Variants in SLIT3 observed in about 807,000 individuals in gnomAD.
SLIT3 encodes slit homolog 3 protein.
Under a neutral mutation model 184.0 loss-of-function variants are expected in SLIT3, and 68 were observed. The observed-to-expected ratio is 0.37, with a 90% CI of 0.30 to 0.45. The LOEUF (loss-of-function observed/expected upper bound fraction) is 0.45, where lower values mean the gene tolerates loss of function less well. Ranked by LOEUF, SLIT3 falls within the 20% of genes least tolerant of loss-of-function variation. SLIT3 has a pLI of 1.00. For missense variants in SLIT3, 1,707 were observed against 2,026.0 expected, an observed-to-expected ratio of 0.84 and a Z score of 3.02; for synonymous variants, 831 against 828.6, an observed-to-expected ratio of 1.00 and a Z score of -0.05.
At chr5:169,085,338 G>T (rs921149308) in intron 4 of SLIT3, among the ~76,000 whole-genome samples, 1 of 152,272 alleles carries the variant, frequency 6.6e-6, no homozygotes, top group African/African-American at 2.4e-5. Flanking sequence ...AGCAACCTGG[G>T]GTTTCTGCTT....
chr5:169,181,707 A>C (rs993638462), intron 4 of SLIT3, among the ~76,000 whole-genome samples: 2 of 149,748 alleles, frequency 1.3e-5, no homozygotes, highest in Non-Finnish European at 3.0e-5. Flanking sequence ...TGCCACTGCC[A>C]CTCCAGCCTG....
rs1257292035 is a variant in SLIT3, at chr5:168,664,982, G to A, written c.*1472C>T. On this transcript the variant is annotated 3_prime_UTR_variant, in exon 36 of 36. Transcript: ENST00000519560. The stretch of plus-strand genomic sequence containing the variant: ...AGAAGGAGTGAGCAAGGCAGAACAA[G>A]AGCAGGAAAAAACATCATATTATTT... 1 of 152,230 alleles carries A rather than the reference G, an allele frequency of 6.6e-6. No individual in the cohort carries two copies. The highest frequency in any genetic ancestry group is 1.5e-5 in the Non-Finnish European group (1 of 68,060). 9.4% of individuals were successfully genotyped at this position (152,230 alleles called of 1,614,324 possible).
chr5:168,670,045 G>A (rs1419535050), intron 34 of SLIT3, 54 bp from the exon 35 acceptor site: 1 of 1,518,316 alleles, frequency 6.6e-7, no homozygotes, highest in Non-Finnish European at 9.1e-7. Context: ...GGTGCTGCTG[G>A]GGACTCCCTC....
At chr5:169,151,623 T>C (rs1343848781) in intron 4 of SLIT3, among the ~76,000 whole-genome samples, 1 of 152,240 alleles carries the variant, frequency 6.6e-6, no homozygotes, top group Non-Finnish European at 1.5e-5. Flanking sequence ...GTCATCTTTC[T>C]TGGAAACTTT....
rs554855767 is a variant in SLIT3, at chr5:168,952,007, C to G, written c.414-68671G>C. Among the ~76,000 whole-genome samples the G allele has an allele frequency of 6.6e-5, 10 of 152,284 alleles. No homozygotes were observed. In the South Asian group the frequency reaches 2.1e-3, roughly 32 times the overall value. Reference sequence around the variant, plus strand: ...CTTACCGCCCTGGATCCCCACCTCGCCTGGCTGCTCAAGCCTGTCTTGAAT... The same window carrying G: ...CTTACCGCCCTGGATCCCCACCTCGGCTGGCTGCTCAAGCCTGTCTTGAAT... On this transcript the variant is annotated intron_variant, in intron 4 of 35. Transcript: ENST00000519560.
At chr5:169,113,039 T>C (rs77981362) in intron 4 of SLIT3, among the ~76,000 whole-genome samples, 1,839 of 152,300 alleles carry the variant, frequency 0.012, 20 homozygotes, top group East Asian at 0.035. Flanking sequence ...TCTTTTAAAA[T>C]TATTTTTCAT....
intron 4 of SLIT3, among the ~76,000 whole-genome samples, chr5:169,102,145 A>G (rs2113232659): frequency 6.6e-6 from 1 of 152,352 alleles, no homozygotes; most frequent in Non-Finnish European, 1.5e-5. Context: ...CAGTCCCCAG[A>G]AAGTTATGCC....
At chr5:168,899,122 T>G (rs960857647) in intron 4 of SLIT3, among the ~76,000 whole-genome samples, 2 of 152,266 alleles carry the variant, frequency 1.3e-5, no homozygotes, top group African/African-American at 4.8e-5. Context: ...TCAGCTTTTC[T>G]AAATCATTTA....
At chr5:169,179,026 A>T (rs1763067415) in intron 4 of SLIT3, among the ~76,000 whole-genome samples, 1 of 152,220 alleles carries the variant, frequency 6.6e-6, no homozygotes, top group South Asian at 2.1e-4. Flanking sequence ...AAGAACAAAC[A>T]GTAGGTTGGT....
chr5:168,829,667 G>A (rs972190714), intron 6 of SLIT3, among the ~76,000 whole-genome samples: 3 of 146,266 alleles, frequency 2.1e-5, no homozygotes, highest in Admixed American at 6.8e-5. Context: ...GGCCAGCACA[G>A]CAAGCCTAGA....
In SLIT3 at chr5:169,033,204, C is replaced by T. The variant is rs578252217; in HGVS notation, c.414-149868G>A. 5.3e-5 allele frequency among the ~76,000 whole-genome samples: 8 copies of T among 152,184 alleles called. No individual in the cohort carries two copies. The South Asian group carries it at 1.7e-3, about 32-fold the overall frequency. ...GATTCCACATATACTTGAAACAATG[C>T]AATCTTTTTCTTTCTTTGTCTGGTT... On this transcript the variant is annotated intron_variant, in intron 4 of 35. Coordinates refer to ENST00000519560, the MANE Select transcript of SLIT3 (RefSeq NM_003062.4).
rs1022671679 is a variant in SLIT3 at position 169,227,524 on chromosome 5, C to A, written c.341+17181G>T. 3.9e-5 allele frequency among the ~76,000 whole-genome samples: 6 copies of A among 152,274 alleles called. No homozygotes were observed. In the South Asian group the frequency reaches 1.2e-3, roughly 32 times the overall value. ...CTTACTGCAACCTCCCCCTCCTGGGCTCAAGTGATTCTCCTGTCTCAGCTT... is the reference window on the plus strand; with the variant it reads ...CTTACTGCAACCTCCCCCTCCTGGGATCAAGTGATTCTCCTGTCTCAGCTT... On this transcript the variant is annotated intron_variant, in intron 3 of 35. Transcript: ENST00000519560.
At chr5:169,233,197 T>G (rs1197468673) in intron 3 of SLIT3, among the ~76,000 whole-genome samples, 1 of 151,970 alleles carries the variant, frequency 6.6e-6, no homozygotes, top group Non-Finnish European at 1.5e-5. Context: ...AGCTAATTTT[T>G]TATTACTAGT....
intron 4 of SLIT3, among the ~76,000 whole-genome samples, chr5:169,009,297 G>A (rs1339288127): frequency 6.6e-6 from 1 of 152,188 alleles, no homozygotes; most frequent in Admixed American, 6.5e-5. Flanking sequence ...ACATAGCTGT[G>A]TCTCTGGGTG....
chr5:168,962,194 G>T (rs982084903), intron 4 of SLIT3, among the ~76,000 whole-genome samples: 2 of 152,050 alleles, frequency 1.3e-5, no homozygotes, highest in Non-Finnish European at 2.9e-5. Context: ...TCTCCCAAGT[G>T]GCTGGTCACA....
intron 4 of SLIT3, among the ~76,000 whole-genome samples, chr5:169,182,020 C>G (rs1035634493): frequency 6.6e-6 from 1 of 152,146 alleles, no homozygotes; most frequent in Non-Finnish European, 1.5e-5. Flanking sequence ...GCCCCAGACA[C>G]GCCAACAAGA....
Position 168,669,801 on chromosome 5 carries a change from C to T in SLIT3, c.4318G>A (p.Gly1440Ser), listed in dbSNP as rs148573931. The T allele has an allele frequency of 6.4e-5, 104 of 1,613,546 alleles. No homozygotes were observed. Among genetic ancestry groups the T allele is most frequent in the Middle Eastern group, 3.5e-4 (2 of 5,672 alleles). The change falls in exon 35 of 36, where the codon GGC becomes AGC. Residue 1440 changes from glycine to serine, a missense_variant. Gly to Ser is a moderately conservative substitution (Grantham distance 56). Around this residue, in one of 3 missense-constraint regions of SLIT3, gnomAD observed 387 missense variants for 477.9 expected, o/e 0.81. Transcript: ENST00000519560. ...GACCCACCTTGTTGGCAGTGCTCGC[C>T]GCTAAAGCCGGGCTGGCACAGGCAG... is the stretch of plus-strand genomic sequence containing the variant. ...PYCLCQPGFS[G>S]EHCQQENPCL...
At chr5:169,125,669 T>C (rs958202852) in intron 4 of SLIT3, among the ~76,000 whole-genome samples, 2 of 152,142 alleles carry the variant, frequency 1.3e-5, no homozygotes, top group Non-Finnish European at 2.9e-5. Flanking sequence ...AGACAGCTTG[T>C]TCTGCACCCC....
intron 10 of SLIT3, among the ~76,000 whole-genome samples, chr5:168,792,844 TTC>T (rs1360585017): frequency 2.6e-5 from 4 of 152,308 alleles, no homozygotes; most frequent in South Asian, 2.1e-4. Context: ...ATCTGAAACT[TTC>T]TGAGCACTGA....
Sources: gnomAD v4.1 joint callset for allele counts (sites outside exome capture counted in the v4.1 genomes callset) on GRCh38, gnomAD v4.1.1 for gene constraint, gnomAD v4.1.1 regional missense constraint, MANE v1.5 for transcripts, NCBI Gene and HGNC (gene_info 2026-07-23, HGNC 2026-07-21) for gene names.